The following ACBD3 variants were observed in gnomAD, a reference collection of about 807,000 sequenced individuals.
The protein encoded by ACBD3 is acyl-CoA binding domain containing 3.
A neutral mutation model predicts 66.9 loss-of-function variants in ACBD3; 30 were observed. That is an observed-to-expected ratio of 0.45 (90% CI 0.34 to 0.61). ACBD3 has a LOEUF of 0.61. Ranked by LOEUF, ACBD3 falls within the 20% of genes least tolerant of loss-of-function variation. The pLI is 0.02. For synonymous variants in ACBD3, 278 were observed against 259.8 expected, an observed-to-expected ratio of 1.07 and a Z score of -0.68; for missense variants, 544 against 664.5, an observed-to-expected ratio of 0.82 and a Z score of 1.99.
At position 226,171,833 on chromosome 1, in the gene ACBD3, G is replaced by GT. The variant is rs1378414583; in HGVS notation, c.287-5834dup. On this transcript the variant is annotated intron_variant, in intron 1 of 7. Transcript: ENST00000366812. ...GCTGGGATTACAGACGTGAGCCACCGTGCCTGGCCAATAAATGTGTTTTTA... is the reference window on the plus strand; with the variant it reads ...GCTGGGATTACAGACGTGAGCCACCGTTGCCTGGCCAATAAATGTGTTTTTA... Among the ~76,000 whole-genome samples the GT allele has an allele frequency of 1.3e-4, 20 of 151,360 alleles. No homozygotes were observed. In the East Asian group the frequency reaches 4.0e-3, roughly 30 times the overall value.
intron 1 of ACBD3, among the ~76,000 whole-genome samples, chr1:226,180,998 CAAAA>C (rs540018230): frequency 3.6e-5 from 3 of 84,272 alleles, no homozygotes; most frequent in Admixed American, 1.3e-4. Flanking sequence ...GACTCCATCT[CAAAA>C]AAAAAAAAAA....
Position 226,161,640 on chromosome 1 carries a change from G to C in ACBD3, c.619C>G (p.Leu207Val). Reference sequence around the variant, plus strand: ...CTACGTTTCTCTTCCTCCTTTTGCAGACGTTCTCTTTCTTCCTCTTCACGC... The same window carrying C: ...CTACGTTTCTCTTCCTCCTTTTGCACACGTTCTCTTTCTTCCTCTTCACGC... ...RRREEEERER[L>V]QKEEEKRRRE... Residue 207 changes from leucine to valine, a missense_variant, in exon 4 of 8, where the codon CTG becomes GTG. Around this residue, in one of 3 missense-constraint regions of ACBD3, gnomAD observed 383 missense variants for 462.4 expected, o/e 0.83. Coordinates refer to ENST00000366812, the MANE Select transcript of ACBD3 (RefSeq NM_022735.4). The C allele has an allele frequency of 6.2e-7, 1 of 1,612,680 alleles. No individual in the cohort carries two copies. The highest frequency in any genetic ancestry group is 8.5e-7 in the Non-Finnish European group (1 of 1,179,390).
In ACBD3 at chr1:226,186,493, C is replaced by G; in HGVS notation, c.183G>C (p.Gly61=). ...PGASGEQPEP[G]EAAAGGAAEE... Reference sequence around the variant, plus strand: ...CCGCCGCGCCCCCAGCCGCCGCCTCCCCGGGCTCGGGCTGCTCCCCTGAGG... The same window carrying G: ...CCGCCGCGCCCCCAGCCGCCGCCTCGCCGGGCTCGGGCTGCTCCCCTGAGG... Residue 61 remains glycine, a synonymous_variant, in exon 1 of 8, where the codon GGG becomes GGC. Coordinates refer to ENST00000366812, the MANE Select transcript of ACBD3 (RefSeq NM_022735.4). The G allele has an allele frequency of 1.3e-6, 2 of 1,486,254 alleles. No individual in the cohort carries two copies. The highest frequency in any genetic ancestry group is 1.8e-6 in the Non-Finnish European group (2 of 1,120,546). 92.1% of individuals were successfully genotyped at this position (1,486,254 alleles called of 1,614,324 possible). A position where few individuals can be genotyped will look rare whatever the true frequency, so the allele number is the denominator to read the frequency against.
At chr1:226,186,335 C>A in intron 1 of ACBD3, 55 bp downstream of exon 1, 1 of 1,462,948 alleles carries the variant, frequency 6.8e-7, no homozygotes. Flanking sequence ...CCACAGCCCA[C>A]GCCGGGCTCC....
At chr1:226,151,049 T>C (rs1235753014) in intron 7 of ACBD3, among the ~76,000 whole-genome samples, 1 of 152,246 alleles carries the variant, frequency 6.6e-6, no homozygotes, top group Non-Finnish European at 1.5e-5. Context: ...GCAGTGTATG[T>C]TTCTGTAGAT....
At chr1:226,169,220 A>T (rs1659937682) in intron 1 of ACBD3, among the ~76,000 whole-genome samples, 1 of 151,430 alleles carries the variant, frequency 6.6e-6, no homozygotes, top group Admixed American at 6.6e-5. Flanking sequence ...TCCTGATCTT[A>T]GCCTTGTGAT....
intron 7 of ACBD3, among the ~76,000 whole-genome samples, chr1:226,148,595 AG>A (rs1659501494): frequency 6.6e-6 from 1 of 152,234 alleles, no homozygotes; most frequent in South Asian, 2.1e-4. Context: ...ATAGATGAAA[AG>A]GCATCTTTTA....
chr1:226,157,433 TTC>T (rs937025412), intron 5 of ACBD3, among the ~76,000 whole-genome samples: 1 of 152,118 alleles, frequency 6.6e-6, no homozygotes, highest in Admixed American at 6.5e-5. Flanking sequence ...GAGATGGGGT[TTC>T]TCCATATTGG....
At chr1:226,165,206 T>C (rs1659853397) in intron 2 of ACBD3, among the ~76,000 whole-genome samples, 1 of 152,048 alleles carries the variant, frequency 6.6e-6, no homozygotes, top group Non-Finnish European at 1.5e-5. Flanking sequence ...GATCTCACTC[T>C]GTTGCCCAGA....
rs1200734351 is a variant in ACBD3, at chr1:226,145,783, T to G, written c.*827A>C. The G allele has an allele frequency of 1.3e-5, 2 of 152,536 alleles. No homozygotes were observed. Among genetic ancestry groups the G allele is most frequent in the Admixed American group, 1.3e-4 (2 of 15,266 alleles). 9.4% of individuals were successfully genotyped at this position (152,536 alleles called of 1,614,324 possible). On this transcript the variant is annotated 3_prime_UTR_variant, in exon 8 of 8. Transcript: ENST00000366812. ...GTGCCAATTTGAGTTTATAAAATCC[T>G]TAATTTTATTCTTTGTGCAGAAAAG...
At chr1:226,148,782 T>C (rs983268390) in intron 7 of ACBD3, among the ~76,000 whole-genome samples, 1 of 152,180 alleles carries the variant, frequency 6.6e-6, no homozygotes, top group Non-Finnish European at 1.5e-5. Context: ...TTCTACCATA[T>C]GAAATACAAG....
At chr1:226,154,584 T>G (rs575078517) in intron 6 of ACBD3, 63 bp downstream of exon 6, 194 of 1,521,888 alleles carry the variant, frequency 1.3e-4, no homozygotes, top group Non-Finnish European at 1.8e-5. Flanking sequence ...CCTGACTTCA[T>G]GACTTTTGCC....
chr1:226,159,467 T>G, intron 4 of ACBD3, 109 bp from the exon 5 acceptor site: 1 of 995,736 alleles, frequency 1.0e-6, no homozygotes, highest in South Asian at 1.8e-5. Flanking sequence ...TAAAAACAAC[T>G]AAGCTAGTAA....
chr1:226,159,147 T>G, intron 5 of ACBD3, 37 bp downstream of exon 5: 1 of 1,586,036 alleles, frequency 6.3e-7, no homozygotes, highest in Non-Finnish European at 8.6e-7. Context: ...AACTAAAAAC[T>G]CTCTCTAAGG....
chr1:226,165,273 CG>C (rs1659854235), intron 2 of ACBD3, among the ~76,000 whole-genome samples: 1 of 151,896 alleles, frequency 6.6e-6, no homozygotes, highest in South Asian at 2.1e-4. Flanking sequence ...CAGGCTCAAG[CG>C]ATTCTCCTGC....
intron 1 of ACBD3, among the ~76,000 whole-genome samples, 180 bp from the exon 2 acceptor site, chr1:226,166,180 G>C (rs1659874739): frequency 6.6e-6 from 1 of 152,026 alleles, no homozygotes; most frequent in Admixed American, 6.6e-5. Context: ...TTTTTAGACA[G>C]AGTCTCACTC....
At chr1:226,166,052 A>C in intron 1 of ACBD3, 52 bp from the exon 2 acceptor site, 1 of 1,549,470 alleles carries the variant, frequency 6.5e-7, no homozygotes, top group Middle Eastern at 1.7e-4. Flanking sequence ...AAAATACATA[A>C]TTTTCAGCAT....
intron 7 of ACBD3, among the ~76,000 whole-genome samples, chr1:226,147,382 AGTG>A (rs1263531114): frequency 1.3e-5 from 2 of 152,204 alleles, no homozygotes; most frequent in Non-Finnish European, 2.9e-5. Flanking sequence ...TAGTGGTAGC[AGTG>A]GTCAGCATCC....
At chr1:226,178,845 A>G (rs143952452) in intron 1 of ACBD3, among the ~76,000 whole-genome samples, 15 of 152,296 alleles carry the variant, frequency 9.8e-5, no homozygotes, top group African/African-American at 3.4e-4. Flanking sequence ...CTTCCTGGTG[A>G]TAAGAACTCA....
Sources: allele counts gnomAD v4.1 joint callset (sites outside exome capture counted in the v4.1 genomes callset), GRCh38; gene constraint gnomAD v4.1.1; regional missense constraint gnomAD v4.1.1; transcripts MANE v1.5; gene names NCBI Gene and HGNC (gene_info 2026-07-23, HGNC 2026-07-21).